ERI1: variants seen among roughly 807,000 people sequenced by gnomAD.
ERI1 encodes exoribonuclease 1, also known as 3'-5' exoribonuclease 1.
Under a neutral mutation model 39.7 loss-of-function variants are expected in ERI1, and 39 were observed. That is an observed-to-expected ratio of 0.98 (90% CI 0.76 to 1.28). The LOEUF is 1.28. Among genes scored for constraint, ERI1 ranks in the 50% most tolerant of loss-of-function variants. The pLI is 0.00. For synonymous variants in ERI1, 204 were observed against 149.6 expected, an observed-to-expected ratio of 1.36 and a Z score of -2.65; for missense variants, 581 against 416.9, an observed-to-expected ratio of 1.39 and a Z score of -3.43.
intron 4 of ERI1, among the ~76,000 whole-genome samples, chr8:9,016,948 G>A (rs1161082693): frequency 6.6e-6 from 1 of 152,212 alleles, no homozygotes; most frequent in African/African-American, 2.4e-5. Flanking sequence ...CTGCCAAAGT[G>A]CTGGGATTAC....
chr8:9,027,563 C>T (rs1797266820), intron 6 of ERI1, among the ~76,000 whole-genome samples: 1 of 152,144 alleles, frequency 6.6e-6, no homozygotes, highest in African/African-American at 2.4e-5. Context: ...AATCCATTGT[C>T]ATAAAGCCTT....
chr8:9,086,506 C>T (rs993431298), intron 3 of ERI1, among the ~76,000 whole-genome samples: 1 of 152,120 alleles, frequency 6.6e-6, no homozygotes, highest in Admixed American at 6.5e-5. Flanking sequence ...GCTGAGATCA[C>T]GCCACGTCAC....
intron 6 of ERI1, among the ~76,000 whole-genome samples, chr8:9,025,260 C>T (rs558742912): frequency 6.6e-6 from 1 of 152,322 alleles, no homozygotes; most frequent in South Asian, 2.1e-4. Flanking sequence ...GCTTTCCTCA[C>T]TTGATATCAA....
chr8:9,047,297 G>A (rs1798205175), intron 3 of ERI1, among the ~76,000 whole-genome samples: 1 of 152,138 alleles, frequency 6.6e-6, no homozygotes, highest in Non-Finnish European at 1.5e-5. Flanking sequence ...AGCTAGTGGT[G>A]GCTTACTCCA....
intron 3 of ERI1, among the ~76,000 whole-genome samples, chr8:9,090,985 A>G (rs1343116365): frequency 6.6e-6 from 1 of 152,224 alleles, no homozygotes; most frequent in Non-Finnish European, 1.5e-5. Context: ...AGAAAATTGC[A>G]TTTAAGTTCA....
intron 3 of ERI1, among the ~76,000 whole-genome samples, chr8:9,014,153 C>T (rs1816982060): frequency 1.3e-5 from 2 of 152,324 alleles, no homozygotes; most frequent in South Asian, 2.1e-4. Flanking sequence ...TGTCTTACTA[C>T]TCTTTTCCTT....
At chr8:9,025,575 G>A (rs1585225255) in intron 6 of ERI1, among the ~76,000 whole-genome samples, 1 of 152,160 alleles carries the variant, frequency 6.6e-6, no homozygotes, top group African/African-American at 2.4e-5. Flanking sequence ...GCAAGAGGTT[G>A]GTTTGTTCTT....
chr8:9,064,297 A>G (rs1798799038), intron 3 of ERI1, among the ~76,000 whole-genome samples: 1 of 151,672 alleles, frequency 6.6e-6, no homozygotes, highest in South Asian at 2.1e-4. Context: ...CATGGAGAGA[A>G]GGAGTTGGGG....
intron 1 of ERI1, 83 bp downstream of exon 1, chr8:9,003,254 T>A: frequency 1.2e-6 from 1 of 848,922 alleles, no homozygotes; most frequent in Non-Finnish European, 1.6e-6. Context: ...TTCTCAGGTG[T>A]CCCGCAGAAG....
chr8:9,020,917 GT>G (rs1485712933), intron 6 of ERI1, among the ~76,000 whole-genome samples: 3 of 151,994 alleles, frequency 2.0e-5, no homozygotes, highest in African/African-American at 7.3e-5. Context: ...CTCTGTTTTT[GT>G]TTTTGTTTTT....
intron 3 of ERI1, among the ~76,000 whole-genome samples, chr8:9,041,085 C>A (rs550752427): frequency 3.3e-5 from 5 of 152,350 alleles, no homozygotes; most frequent in African/African-American, 1.2e-4. Flanking sequence ...CGCTGCACTT[C>A]TGCTCGCCTG....
rs900637272 is a variant in ERI1 at position 9,072,774 on chromosome 8, C to A, written n.300-43574C>A. Reference sequence around the variant, plus strand: ...AGTGCTAAGGAACAGAGTGACCCCCCACCCCACTCCCGACAGAAGCAGCCC... The same window carrying A: ...AGTGCTAAGGAACAGAGTGACCCCCAACCCCACTCCCGACAGAAGCAGCCC... On this transcript the variant is annotated intron_variant and non_coding_transcript_variant, in intron 3 of 3. Transcript: ENST00000518663. Among the ~76,000 whole-genome samples the A allele has an allele frequency of 2.0e-5, 3 of 152,236 alleles. No homozygotes were observed. The South Asian group carries it at 6.2e-4, about 32-fold the overall frequency.
At chr8:9,077,227 G>A (rs1799237042) in intron 3 of ERI1, among the ~76,000 whole-genome samples, 1 of 152,176 alleles carries the variant, frequency 6.6e-6, no homozygotes, top group Admixed American at 6.5e-5. Context: ...AATGTGACAT[G>A]CATTTCCCTG....
chr8:9,069,194 A>T (rs941181150), intron 3 of ERI1, among the ~76,000 whole-genome samples: 1 of 152,220 alleles, frequency 6.6e-6, no homozygotes, highest in African/African-American at 2.4e-5. Context: ...TTCTCAGATC[A>T]CCTTCCCAAA....
chr8:9,018,966 C>T (rs1585210052), intron 5 of ERI1, among the ~76,000 whole-genome samples: 1 of 152,126 alleles, frequency 6.6e-6, no homozygotes, highest in East Asian at 1.9e-4. Context: ...ATATACCATT[C>T]ATGTTGACAT....
At chr8:9,017,866 G>A (rs1397967626) in intron 4 of ERI1, among the ~76,000 whole-genome samples, 2 of 152,290 alleles carry the variant, frequency 1.3e-5, no homozygotes, top group African/African-American at 2.4e-5. Flanking sequence ...GGGCGGACCC[G>A]ATTTACGTTT....
At position 9,032,428 on chromosome 8, in the gene ERI1, C is replaced by T. The variant is rs1211184040; in HGVS notation, c.*2394C>T. On this transcript the variant is annotated 3_prime_UTR_variant, in exon 7 of 7. Transcript: ENST00000250263. Reference sequence around the variant, plus strand: ...TAACCAACTGAAGTATATAATAGAGCATTACATTTTATCTTTATTTGTGTT... The same window carrying T: ...TAACCAACTGAAGTATATAATAGAGTATTACATTTTATCTTTATTTGTGTT... The T allele has an allele frequency of 6.6e-6, 1 of 152,060 alleles. No homozygotes were observed. Among genetic ancestry groups the T allele is most frequent in the East Asian group, 1.9e-4 (1 of 5,198 alleles). The allele number at this position is 152,060 out of a possible 1,614,324, so 9.4% of individuals were successfully genotyped here. A position where few individuals can be genotyped will look rare whatever the true frequency, so the allele number is the denominator to read the frequency against.
At chr8:9,035,025 C>T (rs902752785), downstream of ERI1, among the ~76,000 whole-genome samples, 1 of 152,154 alleles carries the variant, frequency 6.6e-6, no homozygotes, top group Admixed American at 6.5e-5. Flanking sequence ...GTAACTGTCT[C>T]ATATTCTGTG....
intron 3 of ERI1, among the ~76,000 whole-genome samples, chr8:9,079,226 A>G (rs1179810159): frequency 2.0e-5 from 3 of 152,218 alleles, no homozygotes; most frequent in East Asian, 1.9e-4. Flanking sequence ...AAAGGGTGGA[A>G]CAATGGGGAG....
Sources: gnomAD v4.1 joint callset for allele counts (sites outside exome capture counted in the v4.1 genomes callset) on GRCh38, gnomAD v4.1.1 for gene constraint, MANE v1.5 for transcripts, NCBI Gene and HGNC (gene_info 2026-07-23, HGNC 2026-07-21) for gene names.